The following GLRA1 variants were observed in gnomAD, a reference collection of about 807,000 sequenced individuals.
GLRA1 encodes the protein glycine receptor alpha 1.
Under a neutral mutation model 48.3 loss-of-function variants are expected in GLRA1, and 37 were observed. That is an observed-to-expected ratio of 0.77 (90% CI 0.59 to 1.01). The LOEUF is 1.01. GLRA1 is among the 50% of genes least tolerant of loss of function. The pLI is 0.00. For missense variants in GLRA1, 427 were observed against 571.0 expected, an observed-to-expected ratio of 0.75 and a Z score of 2.57; for synonymous variants, 196 against 210.7, an observed-to-expected ratio of 0.93 and a Z score of 0.60.
chr5:151,914,493 G>A (rs1180011978), intron 1 of GLRA1, among the ~76,000 whole-genome samples: 1 of 152,172 alleles, frequency 6.6e-6, no homozygotes, highest in Non-Finnish European at 1.5e-5. Flanking sequence ...CTGTGTGTCT[G>A]GGGGTTAGAG....
intron 3 of GLRA1, among the ~76,000 whole-genome samples, chr5:151,861,828 T>A (rs1391051336): frequency 6.6e-6 from 1 of 152,170 alleles, no homozygotes; most frequent in African/African-American, 2.4e-5. Context: ...ATAGGAAGAA[T>A]CAATATCGTG....
intron 3 of GLRA1, among the ~76,000 whole-genome samples, chr5:151,871,627 C>T (rs1238279822): frequency 6.8e-6 from 1 of 147,492 alleles, no homozygotes; most frequent in East Asian, 2.0e-4. Context: ...GTGGCACGAT[C>T]TCGGCTCACT....
chr5:151,904,561 A>G (rs773946983), intron 1 of GLRA1, among the ~76,000 whole-genome samples: 8 of 152,212 alleles, frequency 5.3e-5, no homozygotes, highest in Admixed American at 5.2e-4. Flanking sequence ...GGAAGAAAGC[A>G]TAAGAACTTG....
At chr5:151,881,492 ATTT>A (rs3033233) in intron 3 of GLRA1, among the ~76,000 whole-genome samples, 1,865 of 116,824 alleles carry the variant, frequency 0.016, 56 homozygotes, top group African/African-American at 0.056. Flanking sequence ...ATGCCCTGCA[ATTT>A]TTTTTTTTTT....
chr5:151,847,966 G>A (rs776761739), intron 7 of GLRA1, among the ~76,000 whole-genome samples: 2 of 152,250 alleles, frequency 1.3e-5, no homozygotes, highest in Admixed American at 6.5e-5. Flanking sequence ...GCAGAATGCT[G>A]TGTCTAGTGC....
intron 3 of GLRA1, among the ~76,000 whole-genome samples, chr5:151,877,138 T>C (rs1195505537): frequency 6.6e-6 from 1 of 152,226 alleles, no homozygotes; most frequent in African/African-American, 2.4e-5. Context: ...TTTGTTATGG[T>C]AGCACACACT....
At chr5:151,861,427 T>G (rs1238487304) in intron 3 of GLRA1, among the ~76,000 whole-genome samples, 2 of 152,242 alleles carry the variant, frequency 1.3e-5, no homozygotes, top group Admixed American at 1.3e-4. Flanking sequence ...TTCTAACTGG[T>G]GTGAGATGGT....
intron 8 of GLRA1, among the ~76,000 whole-genome samples, chr5:151,825,886 A>C (rs1763257747): frequency 6.6e-6 from 1 of 152,178 alleles, no homozygotes; most frequent in Admixed American, 6.5e-5. Flanking sequence ...CTTCCTGTTA[A>C]AGAGAGTTTC....
intron 8 of GLRA1, among the ~76,000 whole-genome samples, chr5:151,824,442 G>A (rs971817140): frequency 6.6e-6 from 1 of 152,092 alleles, no homozygotes; most frequent in South Asian, 2.1e-4. Flanking sequence ...TGATAAACAA[G>A]GCCTTAGAAC....
chr5:151,918,195 C>A (rs1754785361), intron 1 of GLRA1, among the ~76,000 whole-genome samples: 2 of 152,168 alleles, frequency 1.3e-5, no homozygotes, highest in African/African-American at 4.8e-5. Flanking sequence ...GGATAAGCCC[C>A]TCTCCCCAGC....
At chr5:151,892,515 A>C (rs1754105469) in intron 1 of GLRA1, 77 bp from the exon 2 acceptor site, 25 of 1,489,114 alleles carry the variant, frequency 1.7e-5, no homozygotes, top group Middle Eastern at 2.0e-4. Context: ...GCCTTGTCCA[A>C]CCTCTGTAGA....
At chr5:151,881,275 A>T (rs1246311835) in intron 3 of GLRA1, among the ~76,000 whole-genome samples, 1 of 148,696 alleles carries the variant, frequency 6.7e-6, no homozygotes, top group Non-Finnish European at 1.5e-5. Flanking sequence ...CTAGATCAGG[A>T]TTCCCTTTCC....
At chr5:151,859,160 A>T in intron 4 of GLRA1, among the ~76,000 whole-genome samples, 1 of 152,210 alleles carries the variant, frequency 6.6e-6, no homozygotes, top group East Asian at 1.9e-4. Context: ...TTACATGTGT[A>T]AGGACATTTT....
intron 1 of GLRA1, among the ~76,000 whole-genome samples, chr5:151,923,618 T>A (rs539314206): frequency 1.3e-5 from 2 of 152,302 alleles, no homozygotes; most frequent in South Asian, 2.1e-4. Context: ...CTTAAAGAGG[T>A]GATTTTTCAC....
intron 3 of GLRA1, among the ~76,000 whole-genome samples, chr5:151,885,300 C>G (rs935372256): frequency 6.6e-6 from 1 of 152,130 alleles, no homozygotes; most frequent in South Asian, 2.1e-4. Flanking sequence ...GGGGTTCCCA[C>G]AGGAAATGAA....
chr5:151,833,526 C>T lies in GLRA1; in HGVS notation c.913-4459G>A, dbSNP rs112081919. ...CCCCCCAGGGTGGAGTGCAATGGCACGATCTCAGCTCGCCAAATCCTCCGC... is the reference window on the plus strand; with the variant it reads ...CCCCCCAGGGTGGAGTGCAATGGCATGATCTCAGCTCGCCAAATCCTCCGC... On this transcript the variant is annotated intron_variant, in intron 7 of 8. Coordinates refer to ENST00000274576, the MANE Select transcript of GLRA1 (RefSeq NM_000171.4). Among the ~76,000 whole-genome samples the T allele has an allele frequency of 7.4e-3, 1,130 of 152,152 alleles. 14 individuals carry two copies. Among genetic ancestry groups the T allele is most frequent in the African/African-American group, 0.023 (941 of 41,514 alleles).
At chr5:151,855,331 A>C (rs1362913102) in intron 5 of GLRA1, among the ~76,000 whole-genome samples, 154 bp from the exon 6 acceptor site, 6 of 152,152 alleles carry the variant, frequency 3.9e-5, no homozygotes, top group Non-Finnish European at 2.9e-5. Context: ...AAAGAGGTAA[A>C]AAACTGGTTA....
chr5:151,841,000 A>G lies in GLRA1; in HGVS notation c.912+10390T>C, dbSNP rs186927305. On this transcript the variant is annotated intron_variant, in intron 7 of 8. Coordinates refer to ENST00000274576, the MANE Select transcript of GLRA1 (RefSeq NM_000171.4). ...ATTAGAAGATTGCCAAGGAAATGAA[A>G]AACTTAATTGACACTGTAAACCAAC... 1.5e-3 allele frequency among the ~76,000 whole-genome samples: 222 copies of G among 152,282 alleles called. 1 individual carries two copies. The highest frequency in any genetic ancestry group is 2.6e-3 in the Non-Finnish European group (175 of 68,008).
In GLRA1 at chr5:151,883,838, T is replaced by A. The variant is rs534897087; in HGVS notation, c.252+2883A>T. 5.3e-5 allele frequency among the ~76,000 whole-genome samples: 8 copies of A among 152,320 alleles called. No homozygotes were observed. The East Asian group carries it at 1.5e-3, about 29-fold the overall frequency. ...TGAGCCTCAGATGTTGTCTGGGCTT[T>A]GAAGACTGTGTCTAATTACTCTGCT... On this transcript the variant is annotated intron_variant, in intron 3 of 8. Coordinates refer to ENST00000274576, the MANE Select transcript of GLRA1 (RefSeq NM_000171.4).
Sources: allele counts gnomAD v4.1 joint callset (sites outside exome capture counted in the v4.1 genomes callset), GRCh38; gene constraint gnomAD v4.1.1; transcripts MANE v1.5; gene names NCBI Gene and HGNC (gene_info 2026-07-23, HGNC 2026-07-21).